The following RFC3 variants were observed in gnomAD, a reference collection of about 807,000 sequenced individuals.
RFC3 encodes the protein replication factor C subunit 3.
A neutral mutation model predicts 45.1 loss-of-function variants in RFC3; 41 were observed. That is an observed-to-expected ratio of 0.91 (90% confidence interval 0.71 to 1.18). RFC3 has a LOEUF of 1.18. Ranked by LOEUF, RFC3 falls within the 50% of genes most tolerant of loss-of-function variation. The pLI, the probability that RFC3 is intolerant of heterozygous loss-of-function variation, is 0.00. For synonymous variants in RFC3, 149 were observed against 144.0 expected (o/e 1.03, Z -0.25); for missense variants, 423 against 428.1 (o/e 0.99, Z 0.10).
At chr13:33,840,111 T>A (rs2082186852), downstream of RFC3, among the ~76,000 whole-genome samples, 1 of 152,234 alleles carries the variant, frequency 6.6e-6, no homozygotes, top group African/African-American at 2.4e-5. Flanking sequence ...TTTATCTTGC[T>A]TTACACTACT....
At position 33,819,562 on chromosome 13, in the gene RFC3, G is replaced by GT. The variant is rs1024804152; in HGVS notation, c.87+1306dup. Among the ~76,000 whole-genome samples, 41 of 151,266 alleles carry GT rather than the reference G, an allele frequency of 2.7e-4. No homozygotes were observed. In the East Asian group the frequency reaches 4.8e-3, roughly 18 times the overall value. ...AGTTGATAGTGTTGTGACATTGAAGGTTTTTTTTTGGTCTCTTTATTGATA... is the reference window on the plus strand; with the variant it reads ...AGTTGATAGTGTTGTGACATTGAAGGTTTTTTTTTTGGTCTCTTTATTGATA... On this transcript the variant is annotated intron_variant, in intron 1 of 8. Coordinates refer to ENST00000380071, the MANE Select transcript of RFC3 (RefSeq NM_002915.4).
At chr13:33,873,605 G>T (rs937273642) in intron 8 of RFC3, among the ~76,000 whole-genome samples, 14 of 152,166 alleles carry the variant, frequency 9.2e-5, no homozygotes, top group African/African-American at 3.1e-4. Context: ...TTTGCAAAGG[G>T]ACATGAAAGC....
At chr13:33,839,990 A>G (rs2082185842), downstream of RFC3, among the ~76,000 whole-genome samples, 1 of 152,078 alleles carries the variant, frequency 6.6e-6, no homozygotes, top group Non-Finnish European at 1.5e-5. Flanking sequence ...TAGTCATCAT[A>G]TTTTTAATTT....
At position 33,875,581 on chromosome 13, in the gene RFC3, A is replaced by G. The variant is rs61185032; in HGVS notation, c.879+40364A>G. Among the ~76,000 whole-genome samples the G allele has an allele frequency of 4.3e-3, 652 of 152,260 alleles. 6 individuals are homozygous for G. The highest frequency in any genetic ancestry group is 0.015 in the African/African-American group (633 of 41,538). On this transcript the variant is annotated intron_variant, in intron 8 of 8. Coordinates refer to the RFC3 transcript ENST00000434425. Reference sequence around the variant, plus strand: ...GAAGGGACTTGAAGGCCACATAACAATCCTTAGGACAGTGGTAAGGCGAGT... The same window carrying G: ...GAAGGGACTTGAAGGCCACATAACAGTCCTTAGGACAGTGGTAAGGCGAGT...
intron 8 of RFC3, among the ~76,000 whole-genome samples, chr13:33,913,113 G>A (rs1054545674): frequency 6.6e-6 from 1 of 152,114 alleles, no homozygotes; most frequent in African/African-American, 2.4e-5. Context: ...TCACCCAGGT[G>A]TGTCTGTCCA....
intron 8 of RFC3, among the ~76,000 whole-genome samples, chr13:33,860,537 C>T (rs2082334383): frequency 6.6e-6 from 1 of 152,186 alleles, no homozygotes; most frequent in South Asian, 2.1e-4. Context: ...ACTTCTCTTC[C>T]TTCTGGCTGC....
intron 8 of RFC3, among the ~76,000 whole-genome samples, chr13:33,927,496 AGTGGATCT>A (rs1309382330): frequency 6.6e-6 from 1 of 152,136 alleles, no homozygotes; most frequent in Non-Finnish European, 1.5e-5. Flanking sequence ...CTTGCACAAC[AGTGGATCT>A]GGTGAGTGTT....
intron 8 of RFC3, among the ~76,000 whole-genome samples, chr13:33,866,680 G>T (rs9570415): frequency 0.035 from 5,274 of 152,156 alleles, 154 homozygotes; most frequent in East Asian, 0.14. Flanking sequence ...TATTTCTACT[G>T]GTTTTTCCTT....
At position 33,821,228 on chromosome 13, in the gene RFC3, G is replaced by A. The variant is rs754878997; in HGVS notation, c.184G>A (p.Val62Ile). The change falls in exon 2 of 9, where the codon GTT becomes ATT. Residue 62 changes from valine (V) to isoleucine (I), a missense_variant. Val to Ile is a conservative substitution (Grantham distance 29, BLOSUM62 3). Coordinates refer to ENST00000380071, the MANE Select transcript of RFC3 (RefSeq NM_002915.4). ...GTGTATTCTACGTGAACTTTATGGT[G>A]TTGGAGTGGAAAAATTGAGAATTGA... ...IMCILRELYG[V>I]GVEKLRIEHQ... The A allele has an allele frequency of 3.7e-6, 6 of 1,613,708 alleles. No individual in the cohort carries two copies. In the Admixed American group the frequency reaches 1.0e-4, roughly 27 times the overall value.
At chr13:33,946,114 A>G (rs182167524) in intron 8 of RFC3, among the ~76,000 whole-genome samples, 117 of 152,350 alleles carry the variant, frequency 7.7e-4, no homozygotes, top group African/African-American at 2.8e-3. Context: ...AATGGCCAAT[A>G]GGAGAATCCC....
chr13:33,936,671 G>T (rs371563346), intron 8 of RFC3, among the ~76,000 whole-genome samples: 120 of 152,228 alleles, frequency 7.9e-4, no homozygotes, highest in African/African-American at 2.7e-3. Flanking sequence ...CAGAAGCCAG[G>T]AGAGAGCCCT....
At chr13:33,916,947 G>C (rs898385045) in intron 8 of RFC3, among the ~76,000 whole-genome samples, 2 of 152,110 alleles carry the variant, frequency 1.3e-5, no homozygotes, top group Non-Finnish European at 2.9e-5. Flanking sequence ...TGTCAGAGTT[G>C]TTATTTTGAC....
chr13:33,910,113 A>T (rs528755160), intron 8 of RFC3, among the ~76,000 whole-genome samples: 14 of 152,214 alleles, frequency 9.2e-5, no homozygotes, highest in Admixed American at 8.5e-4. Flanking sequence ...CTTTGACTAC[A>T]TACATTAATT....
chr13:33,958,094 A>G (rs535252591), intron 8 of RFC3, among the ~76,000 whole-genome samples: 1 of 152,244 alleles, frequency 6.6e-6, no homozygotes, highest in Non-Finnish European at 1.5e-5. Flanking sequence ...ACAAATAAAA[A>G]GCAGGTGGTT....
At chr13:33,868,131 G>A (rs2082385377) in intron 8 of RFC3, among the ~76,000 whole-genome samples, 1 of 152,196 alleles carries the variant, frequency 6.6e-6, no homozygotes, top group African/African-American at 2.4e-5. Flanking sequence ...AGGCATAAGT[G>A]TTTTTAAGTG....
chr13:33,877,550 G>A (rs896380794), intron 8 of RFC3, among the ~76,000 whole-genome samples: 4 of 151,990 alleles, frequency 2.6e-5, no homozygotes, highest in Admixed American at 6.6e-5. Flanking sequence ...GACTTAGACT[G>A]TTTGTCATTA....
chr13:33,961,932 A>T (rs1175508161), intron 8 of RFC3, among the ~76,000 whole-genome samples: 2 of 152,206 alleles, frequency 1.3e-5, no homozygotes, highest in African/African-American at 4.8e-5. Flanking sequence ...TTTCCTCTGT[A>T]AGAATTTTAG....
intron 8 of RFC3, among the ~76,000 whole-genome samples, chr13:33,892,271 A>G (rs2082568406): frequency 6.6e-6 from 1 of 152,184 alleles, no homozygotes; most frequent in Admixed American, 6.5e-5. Flanking sequence ...AGTTGAAGAA[A>G]GGATCCAAGA....
intron 8 of RFC3, among the ~76,000 whole-genome samples, chr13:33,854,999 C>T (rs2082299842): frequency 1.3e-5 from 2 of 151,824 alleles, no homozygotes; most frequent in African/African-American, 4.8e-5. Context: ...AACATAAGCT[C>T]TATGAACATG....
Sources: allele counts gnomAD v4.1 joint callset (sites outside exome capture counted in the v4.1 genomes callset), GRCh38; gene constraint gnomAD v4.1.1; transcripts MANE v1.5; gene names NCBI Gene and HGNC (gene_info 2026-07-23, HGNC 2026-07-21).